Variants in ROBO1 observed in about 807,000 individuals in gnomAD.
ROBO1 encodes the protein roundabout homolog 1.
In ROBO1, 149 loss-of-function variants were observed where a neutral mutation model predicts 195.9. The observed-to-expected ratio is 0.76, with a 90% confidence interval of 0.67 to 0.87. The LOEUF is 0.87. Ranked by LOEUF, ROBO1 falls within the 40% of genes least tolerant of loss-of-function variation. The pLI, the probability that ROBO1 is intolerant of heterozygous loss-of-function variation, is 0.00. For synonymous variants in ROBO1, 816 were observed against 733.2 expected (o/e 1.11, Z -1.82); for missense variants, 1,933 against 2,068.3 (o/e 0.93, Z 1.27).
At chr3:79,304,520 C>A (rs1356002957) in intron 2 of ROBO1, among the ~76,000 whole-genome samples, 2 of 152,116 alleles carry the variant, frequency 1.3e-5, no homozygotes, top group Admixed American at 6.6e-5. Context: ...TTTTTCCCGT[C>A]TTTCACTCTC....
At chr3:79,613,489 A>G (rs934138545) in intron 1 of ROBO1, among the ~76,000 whole-genome samples, 3 of 152,118 alleles carry the variant, frequency 2.0e-5, no homozygotes, top group Non-Finnish European at 4.4e-5. Flanking sequence ...TAAGGGACAA[A>G]AGCTATAAAC....
At chr3:79,248,783 A>G (rs1395808917) in intron 2 of ROBO1, among the ~76,000 whole-genome samples, 4 of 152,058 alleles carry the variant, frequency 2.6e-5, no homozygotes, top group Non-Finnish European at 5.9e-5. Context: ...AGTAAATAGG[A>G]CTTGCCAAGG....
intron 1 of ROBO1, among the ~76,000 whole-genome samples, chr3:79,637,760 C>CA (rs1945538935): frequency 6.6e-6 from 1 of 152,026 alleles, no homozygotes; most frequent in Non-Finnish European, 1.5e-5. Context: ...TAGAAAGACT[C>CA]CCTTTGTCAA....
intron 2 of ROBO1, among the ~76,000 whole-genome samples, chr3:79,199,960 T>A (rs529126202): frequency 2.0e-5 from 3 of 151,808 alleles, no homozygotes; most frequent in African/African-American, 7.2e-5. Context: ...ATGGTTATTC[T>A]GACTATAAGG....
intron 1 of ROBO1, among the ~76,000 whole-genome samples, chr3:79,630,338 T>C (rs765854126): frequency 1.7e-4 from 26 of 152,032 alleles, no homozygotes; most frequent in Non-Finnish European, 3.5e-4. Flanking sequence ...TGGTTCAACA[T>C]ATGCAAATCA....
rs371765552 is a variant in ROBO1, at chr3:78,657,245, G to A, written c.2467C>T (p.Arg823Ter). Reference sequence around the variant, plus strand: ...TCCACTGTTTTGTTGATGTGGTATCGAGTTTCATTGCCCAGACACCAAACC... The same window carrying A: ...TCCACTGTTTTGTTGATGTGGTATCAAGTTTCATTGCCCAGACACCAAACC... ...YKVWCLGNET[R>*]YHINKTVDGS... Residue 823 changes from arginine to a stop codon, truncating the protein, a stop_gained, in exon 18 of 31, where the codon CGA becomes TGA. Coordinates refer to ENST00000464233, the MANE Select transcript of ROBO1 (RefSeq NM_002941.4). LOFTEE classifies it high-confidence loss of function. The A allele has an allele frequency of 2.5e-6, 4 of 1,613,508 alleles. No homozygotes were observed. Among genetic ancestry groups the A allele is most frequent in the African/African-American group, 1.3e-5 (1 of 74,902 alleles).
chr3:79,711,978 TG>T (rs899878513), intron 1 of ROBO1, among the ~76,000 whole-genome samples: 3 of 151,088 alleles, frequency 2.0e-5, no homozygotes, highest in African/African-American at 7.4e-5. Flanking sequence ...GAAGCTTAAT[TG>T]ATCAATGTTG....
intron 29 of ROBO1, among the ~76,000 whole-genome samples, chr3:78,601,236 T>C (rs571517475): frequency 6.6e-6 from 1 of 152,316 alleles, no homozygotes; most frequent in South Asian, 2.1e-4. Context: ...CCGCTGACGT[T>C]CTCTGTAGTG....
chr3:79,056,612 C>T (rs1373533409), intron 3 of ROBO1, among the ~76,000 whole-genome samples: 1 of 152,048 alleles, frequency 6.6e-6, no homozygotes, highest in Admixed American at 6.6e-5. Flanking sequence ...GTATTCCAAC[C>T]TATGCGCTGT....
intron 2 of ROBO1, among the ~76,000 whole-genome samples, chr3:79,416,300 A>G (rs987200967): frequency 1.3e-5 from 2 of 151,952 alleles, no homozygotes; most frequent in African/African-American, 4.8e-5. Flanking sequence ...AGAAAGAAGT[A>G]TAGATACGAA....
intron 2 of ROBO1, among the ~76,000 whole-genome samples, chr3:79,305,364 G>T (rs752621931): frequency 6.6e-6 from 1 of 151,772 alleles, no homozygotes; most frequent in Non-Finnish European, 1.5e-5. Context: ...GCACATGCCT[G>T]TAACTCCAGC....
At chr3:79,236,594 T>A (rs1317044437) in intron 2 of ROBO1, among the ~76,000 whole-genome samples, 1 of 152,218 alleles carries the variant, frequency 6.6e-6, no homozygotes, top group East Asian at 1.9e-4. Context: ...TAAGTATTAT[T>A]TTTTAAATTT....
At chr3:79,072,822 C>T (rs2079111719) in intron 3 of ROBO1, among the ~76,000 whole-genome samples, 1 of 151,822 alleles carries the variant, frequency 6.6e-6, no homozygotes, top group Non-Finnish European at 1.5e-5. Context: ...TCCCAAAAAA[C>T]AGAGTTATTA....
intron 1 of ROBO1, among the ~76,000 whole-genome samples, chr3:79,638,569 C>T (rs528021176): frequency 6.6e-6 from 1 of 152,144 alleles, no homozygotes; most frequent in South Asian, 2.1e-4. Flanking sequence ...CGTGAGCCAC[C>T]GTGCCCAGCC....
At chr3:78,767,433 T>C (rs940466366) in intron 4 of ROBO1, among the ~76,000 whole-genome samples, 2 of 152,026 alleles carry the variant, frequency 1.3e-5, no homozygotes, top group African/African-American at 4.8e-5. Flanking sequence ...ACCTGGATAA[T>C]TTTTGTACTT....
At chr3:79,729,498 GTGTT>G (rs1417992053) in intron 1 of ROBO1, among the ~76,000 whole-genome samples, 3 of 152,150 alleles carry the variant, frequency 2.0e-5, no homozygotes, top group South Asian at 2.1e-4. Context: ...AAAAAGTGCT[GTGTT>G]TGTTTATTAT....
At chr3:78,768,402 T>TA (rs1010925579) in intron 4 of ROBO1, among the ~76,000 whole-genome samples, 22 of 151,966 alleles carry the variant, frequency 1.4e-4, no homozygotes, top group African/African-American at 4.3e-4. Flanking sequence ...TTATAAACTT[T>TA]AAAAAAATAT....
At chr3:79,733,170 C>A (rs1703226915) in intron 1 of ROBO1, among the ~76,000 whole-genome samples, 1 of 152,244 alleles carries the variant, frequency 6.6e-6, no homozygotes, top group Admixed American at 6.5e-5. Flanking sequence ...AACTTTGAAA[C>A]CATTTCACCA....
At chr3:79,101,005 T>C (rs2079666048) in intron 3 of ROBO1, among the ~76,000 whole-genome samples, 1 of 151,780 alleles carries the variant, frequency 6.6e-6, no homozygotes, top group African/African-American at 2.4e-5. Context: ...TTTTTTTCCT[T>C]AATCAGGGCT....
Sources: allele counts gnomAD v4.1 joint callset (sites outside exome capture counted in the v4.1 genomes callset), GRCh38; gene constraint gnomAD v4.1.1; transcripts MANE v1.5; gene names NCBI Gene and HGNC (gene_info 2026-07-23, HGNC 2026-07-21).